The following FYN variants were observed in gnomAD, a reference collection of about 807,000 sequenced individuals.
FYN encodes the protein tyrosine-protein kinase Fyn.
A neutral mutation model predicts 70.2 loss-of-function variants in FYN; 10 were observed. The ratio of observed to expected loss-of-function variants is 0.14; its 90% confidence interval spans 0.09 to 0.24. The LOEUF (loss-of-function observed/expected upper bound fraction) is 0.24, where lower values mean the gene tolerates loss of function less well. FYN is among the 10% of genes least tolerant of loss of function. The probability of loss-of-function intolerance (pLI) is 1.00; values close to 1 mark genes in which losing one functional copy is unlikely to be tolerated. For missense variants in FYN, 319 were observed against 673.1 expected, an observed-to-expected ratio of 0.47 and a Z score of 5.82; for synonymous variants, 236 against 248.6, an observed-to-expected ratio of 0.95 and a Z score of 0.48.
chr6:111,671,597 C>T (rs540649058), intron 13 of FYN, among the ~76,000 whole-genome samples: 6 of 152,256 alleles, frequency 3.9e-5, no homozygotes, highest in African/African-American at 1.4e-4. Context: ...GACATGACTA[C>T]ATCAAAATGC....
At chr6:111,669,394 C>T (rs1344568001) in intron 13 of FYN, among the ~76,000 whole-genome samples, 3 of 138,896 alleles carry the variant, frequency 2.2e-5, no homozygotes, top group Non-Finnish European at 4.5e-5. Flanking sequence ...GAGATCATGC[C>T]ACTGCATTCC....
intron 3 of FYN, among the ~76,000 whole-genome samples, chr6:111,773,781 C>CT (rs983844453): frequency 2.0e-4 from 31 of 152,122 alleles, no homozygotes; most frequent in Non-Finnish European, 3.8e-4. Flanking sequence ...GTCAGTTGCC[C>CT]TGGGTTCCTT....
chr6:111,790,550 AG>A (rs1771580754), intron 2 of FYN, among the ~76,000 whole-genome samples: 1 of 152,170 alleles, frequency 6.6e-6, no homozygotes, highest in Non-Finnish European at 1.5e-5. Context: ...CTGGAGACCA[AG>A]GGCATCTACC....
At chr6:111,773,338 G>C (rs1277496519) in intron 3 of FYN, among the ~76,000 whole-genome samples, 1 of 58,542 alleles carries the variant, frequency 1.7e-5, no homozygotes, top group Non-Finnish European at 3.2e-5. Context: ...GAGAGGGAAA[G>C]GGAGAGGGAG....
intron 5 of FYN, among the ~76,000 whole-genome samples, chr6:111,713,270 C>A (rs1329225438): frequency 1.3e-5 from 2 of 152,172 alleles, no homozygotes; most frequent in African/African-American, 4.8e-5. Context: ...CTGTGGCAAT[C>A]AGCACTCCTC....
intron 3 of FYN, among the ~76,000 whole-genome samples, chr6:111,756,767 T>C (rs1161688001): frequency 1.3e-5 from 2 of 152,144 alleles, no homozygotes; most frequent in Non-Finnish European, 2.9e-5. Context: ...AATTAACACA[T>C]TTATAATTTT....
At chr6:111,822,522 C>A (rs1235725075) in intron 2 of FYN, among the ~76,000 whole-genome samples, 1 of 151,782 alleles carries the variant, frequency 6.6e-6, no homozygotes, top group Non-Finnish European at 1.5e-5. Flanking sequence ...GGAGATATAC[C>A]TAATGTAAAT....
intron 12 of FYN, among the ~76,000 whole-genome samples, chr6:111,684,883 A>C (rs553208616): frequency 1.3e-5 from 2 of 152,182 alleles, no homozygotes; most frequent in African/African-American, 2.4e-5. Flanking sequence ...GGGACTGAAG[A>C]AAAAAGGAGC....
At chr6:111,834,269 G>C (rs1166594084) in intron 2 of FYN, among the ~76,000 whole-genome samples, 1 of 152,076 alleles carries the variant, frequency 6.6e-6, no homozygotes, top group Non-Finnish European at 1.5e-5. Context: ...TGAGTAAGAG[G>C]ATTGTTTATT....
chr6:111,740,213 A>G (rs1310194073), intron 3 of FYN, among the ~76,000 whole-genome samples: 3 of 152,242 alleles, frequency 2.0e-5, no homozygotes, highest in African/African-American at 7.2e-5. Flanking sequence ...AAAGTCTTCA[A>G]ATGAATCCTA....
At chr6:111,675,050 G>T (rs1798472556) in intron 12 of FYN, among the ~76,000 whole-genome samples, 1 of 152,062 alleles carries the variant, frequency 6.6e-6, no homozygotes, top group Non-Finnish European at 1.5e-5. Flanking sequence ...CTCCCAGGGT[G>T]GGGACAACTG....
At chr6:111,774,782 G>C (rs1803641699) in intron 3 of FYN, among the ~76,000 whole-genome samples, 1 of 151,984 alleles carries the variant, frequency 6.6e-6, no homozygotes, top group Non-Finnish European at 1.5e-5. Context: ...GCAGTGACGT[G>C]ATCTCGCCTC....
At chr6:111,727,254 C>T (rs911826423) in intron 3 of FYN, among the ~76,000 whole-genome samples, 8 of 152,114 alleles carry the variant, frequency 5.3e-5, no homozygotes, top group Admixed American at 3.3e-4. Context: ...CTATTTGGGC[C>T]GATGACACTG....
chr6:111,697,202 A>C (rs1283475569), intron 9 of FYN, among the ~76,000 whole-genome samples: 1 of 152,254 alleles, frequency 6.6e-6, no homozygotes, highest in African/African-American at 2.4e-5. Flanking sequence ...TCTGAAGGCA[A>C]GGCCTGGATT....
intron 12 of FYN, among the ~76,000 whole-genome samples, chr6:111,683,315 T>A (rs1375932738): frequency 6.6e-6 from 1 of 152,258 alleles, no homozygotes; most frequent in Non-Finnish European, 1.5e-5. Context: ...ATGGCTCTCC[T>A]TGCGGTGGGG....
At chr6:111,701,672 C>T (rs990971845) in intron 8 of FYN, among the ~76,000 whole-genome samples, 16 of 152,090 alleles carry the variant, frequency 1.1e-4, no homozygotes, top group Admixed American at 9.2e-4. Flanking sequence ...ATGATCCAAA[C>T]CCTGGGGATC....
intron 4 of FYN, among the ~76,000 whole-genome samples, chr6:111,715,351 G>C (rs991868809): frequency 6.6e-6 from 1 of 152,034 alleles, no homozygotes; most frequent in African/African-American, 2.4e-5. Flanking sequence ...AAAGTGCTGG[G>C]ATTATAGGTG....
chr6:111,716,533 C>A (rs777818750), intron 4 of FYN, among the ~76,000 whole-genome samples: 11 of 151,920 alleles, frequency 7.2e-5, no homozygotes, highest in African/African-American at 2.7e-4. Context: ...GATACTTCTG[C>A]ATTAGTTAAG....
chr6:111,738,439 C>T (rs2128476827), intron 3 of FYN, among the ~76,000 whole-genome samples: 1 of 152,342 alleles, frequency 6.6e-6, no homozygotes, highest in African/African-American at 2.4e-5. Context: ...CCCCAAGGCT[C>T]ATGGCTGCAG....
Sources: gnomAD v4.1 joint callset for allele counts (sites outside exome capture counted in the v4.1 genomes callset) on GRCh38, gnomAD v4.1.1 for gene constraint, MANE v1.5 for transcripts, NCBI Gene and HGNC (gene_info 2026-07-23, HGNC 2026-07-21) for gene names.